Variants in PRKG1 observed in about 807,000 individuals in gnomAD.
PRKG1 encodes protein kinase cGMP-dependent 1.
A neutral mutation model predicts 88.1 loss-of-function variants in PRKG1; 35 were observed. The ratio of observed to expected loss-of-function variants is 0.40; its 90% confidence interval spans 0.30 to 0.53. The LOEUF (loss-of-function observed/expected upper bound fraction) is 0.53, where lower values mean the gene tolerates loss of function less well. Ranked by LOEUF, PRKG1 falls within the 20% of genes least tolerant of loss-of-function variation. PRKG1 has a pLI of 0.59. For missense variants in PRKG1, 540 were observed against 839.8 expected (o/e 0.64, Z 4.41); for synonymous variants, 303 against 292.5 (o/e 1.04, Z -0.37).
chr10:51,994,826 G>T (rs1228358131), intron 5 of PRKG1, among the ~76,000 whole-genome samples: 1 of 152,112 alleles, frequency 6.6e-6, no homozygotes, highest in Non-Finnish European at 1.5e-5. Flanking sequence ...TGCTCCCTGA[G>T]ATTGAAGAAG....
chr10:51,712,732 G>C (rs2132435978), intron 3 of PRKG1, among the ~76,000 whole-genome samples: 1 of 151,842 alleles, frequency 6.6e-6, no homozygotes, highest in East Asian at 1.9e-4. Flanking sequence ...TGGGACTATA[G>C]GCGCCCGCCA....
chr10:51,128,654 G>C (rs539946823), intron 1 of PRKG1, among the ~76,000 whole-genome samples: 1 of 152,120 alleles, frequency 6.6e-6, no homozygotes, highest in African/African-American at 2.4e-5. Flanking sequence ...AATGCATCTA[G>C]TTTTCCAAAG....
intron 5 of PRKG1, among the ~76,000 whole-genome samples, chr10:51,931,539 A>G (rs138725248): frequency 7.8e-4 from 119 of 152,322 alleles, no homozygotes; most frequent in Non-Finnish European, 1.2e-3. Context: ...CATGTTATCA[A>G]TGAGGAAGCC....
intron 3 of PRKG1, among the ~76,000 whole-genome samples, chr10:51,620,276 T>C (rs974963278): frequency 5.9e-5 from 9 of 152,108 alleles, no homozygotes; most frequent in African/African-American, 1.9e-4. Context: ...CTAGATTAAC[T>C]TGTAGTTAGT....
intron 4 of PRKG1, among the ~76,000 whole-genome samples, chr10:51,882,648 G>T (rs1841466196): frequency 1.3e-5 from 2 of 152,284 alleles, no homozygotes; most frequent in South Asian, 4.1e-4. Flanking sequence ...AATCTGAATG[G>T]CAGTTACCAG....
chr10:51,392,087 C>G (rs930027236), intron 2 of PRKG1, among the ~76,000 whole-genome samples: 3 of 151,576 alleles, frequency 2.0e-5, no homozygotes, highest in African/African-American at 7.3e-5. Flanking sequence ...GTCTGACCAA[C>G]AGTTAAATAA....
intron 4 of PRKG1, among the ~76,000 whole-genome samples, chr10:51,833,901 G>A (rs1840064205): frequency 2.0e-5 from 3 of 152,122 alleles, no homozygotes; most frequent in African/African-American, 7.2e-5. Flanking sequence ...TCTACTCTAT[G>A]CTTTTATGAA....
intron 5 of PRKG1, among the ~76,000 whole-genome samples, chr10:52,032,534 A>T (rs10823981): frequency 0.38 from 58,162 of 152,040 alleles, 11,918 homozygotes; most frequent in South Asian, 0.47. Flanking sequence ...GCAGCTTTTT[A>T]AAATACACCA....
intron 2 of PRKG1, among the ~76,000 whole-genome samples, chr10:51,386,034 T>A (rs981352987): frequency 3.9e-5 from 6 of 152,182 alleles, no homozygotes; most frequent in Non-Finnish European, 5.9e-5. Context: ...TTCTTACTGA[T>A]AATAAAAGTT....
At chr10:51,539,975 C>G (rs867743324) in intron 3 of PRKG1, among the ~76,000 whole-genome samples, 12 of 152,210 alleles carry the variant, frequency 7.9e-5, no homozygotes, top group Admixed American at 6.5e-4. Flanking sequence ...TTATTTCTGT[C>G]AAGTCGATTT....
intron 2 of PRKG1, among the ~76,000 whole-genome samples, chr10:51,199,098 T>C (rs1467760149): frequency 6.6e-6 from 1 of 152,132 alleles, no homozygotes; most frequent in Non-Finnish European, 1.5e-5. Context: ...TGGGGTAAAA[T>C]TGCAAACAAA....
chr10:51,772,671 T>A (rs1838335157), intron 3 of PRKG1, among the ~76,000 whole-genome samples: 1 of 152,126 alleles, frequency 6.6e-6, no homozygotes, highest in Admixed American at 6.6e-5. Flanking sequence ...TTTGCTTCTT[T>A]AGTTTAAAAT....
chr10:51,297,446 C>T (rs889981025), intron 2 of PRKG1, among the ~76,000 whole-genome samples: 12 of 152,140 alleles, frequency 7.9e-5, no homozygotes, highest in Admixed American at 7.2e-4. Context: ...CCTTTTAAAA[C>T]GTGAATTCTT....
At chr10:51,584,841 T>A (rs1589107184) in intron 3 of PRKG1, among the ~76,000 whole-genome samples, 1 of 152,220 alleles carries the variant, frequency 6.6e-6, no homozygotes, top group East Asian at 1.9e-4. Flanking sequence ...CTACTTTCTT[T>A]CTGCAGCATC....
chr10:51,648,768 A>G (rs1839973488), intron 3 of PRKG1, among the ~76,000 whole-genome samples: 1 of 152,166 alleles, frequency 6.6e-6, no homozygotes, highest in Non-Finnish European at 1.5e-5. Flanking sequence ...TCTAAACTTC[A>G]TCCTTCTCAT....
intron 1 of PRKG1, among the ~76,000 whole-genome samples, chr10:51,126,096 A>C (rs1314097669): frequency 2.7e-5 from 3 of 112,836 alleles, no homozygotes; most frequent in Non-Finnish European, 5.1e-5. Context: ...TTATATAATA[A>C]TATACTATAT....
At chr10:51,056,824 A>T (rs1843631436) in intron 1 of PRKG1, among the ~76,000 whole-genome samples, 1 of 151,346 alleles carries the variant, frequency 6.6e-6, no homozygotes, top group Non-Finnish European at 1.5e-5. Flanking sequence ...CCCTGACCCC[A>T]TGTCTGCTTT....
chr10:51,136,419 A>G (rs1378309052), intron 1 of PRKG1, among the ~76,000 whole-genome samples: 2 of 152,092 alleles, frequency 1.3e-5, no homozygotes, highest in African/African-American at 4.8e-5. Context: ...TATAGATAGT[A>G]ATTTCAGCGA....
chr10:52,030,459 A>G (rs1236453027), intron 5 of PRKG1, among the ~76,000 whole-genome samples: 1 of 152,252 alleles, frequency 6.6e-6, no homozygotes, highest in African/African-American at 2.4e-5. Flanking sequence ...CATAAAAGGC[A>G]TATCTTCATC....
Sources: allele counts gnomAD v4.1 joint callset (sites outside exome capture counted in the v4.1 genomes callset), GRCh38; gene constraint gnomAD v4.1.1; transcripts MANE v1.5; gene names NCBI Gene and HGNC (gene_info 2026-07-23, HGNC 2026-07-21).